Variants in NOL4 observed in about 807,000 individuals in gnomAD.
NOL4 encodes nucleolar protein 4.
NOL4 carries 17 observed loss-of-function variants against 75.9 expected under a neutral mutation model. The ratio of observed to expected loss-of-function variants is 0.22; its 90% confidence interval spans 0.15 to 0.34. NOL4 has a LOEUF of 0.34. Ranked by LOEUF, NOL4 falls within the 10% of genes least tolerant of loss-of-function variation. The pLI, the probability that NOL4 is intolerant of heterozygous loss-of-function variation, is 1.00. For synonymous variants in NOL4, 292 were observed against 289.9 expected, an observed-to-expected ratio of 1.01 and a Z score of -0.07; for missense variants, 614 against 793.5, an observed-to-expected ratio of 0.77 and a Z score of 2.72.
intron 5 of NOL4, among the ~76,000 whole-genome samples, chr18:34,072,965 A>C (rs771689762): frequency 3.3e-5 from 5 of 152,176 alleles, no homozygotes; most frequent in African/African-American, 4.8e-5. Flanking sequence ...AGAAATATAT[A>C]GTTTTATATG....
intron 5 of NOL4, among the ~76,000 whole-genome samples, chr18:34,058,445 A>G (rs575228254): frequency 1.3e-3 from 201 of 152,012 alleles, no homozygotes; most frequent in African/African-American, 4.6e-3. Flanking sequence ...CCTTATTTCT[A>G]ACTCTTTGTT....
intron 2 of NOL4, among the ~76,000 whole-genome samples, chr18:34,121,670 T>G (rs139462469): frequency 1.2e-3 from 185 of 152,330 alleles, no homozygotes; most frequent in African/African-American, 4.3e-3. Flanking sequence ...GAATCAGTTG[T>G]CTGAATTATT....
chr18:34,203,663 CT>C (rs1009751030), intron 1 of NOL4, among the ~76,000 whole-genome samples: 244 of 143,248 alleles, frequency 1.7e-3, no homozygotes, highest in African/African-American at 5.7e-3. Context: ...GAACAGCCCC[CT>C]GATCTCTTTC....
At chr18:33,862,347 G>A (rs2063188137) in intron 10 of NOL4, among the ~76,000 whole-genome samples, 1 of 152,118 alleles carries the variant, frequency 6.6e-6, no homozygotes, top group African/African-American at 2.4e-5. Flanking sequence ...TACCATTCAG[G>A]ACATAGGCAC....
In NOL4 at chr18:34,181,672, G is replaced by A. The variant is rs536234171; in HGVS notation, c.264+41318C>T. Among the ~76,000 whole-genome samples, 7 of 151,572 alleles carry A rather than the reference G, an allele frequency of 4.6e-5. No homozygotes were observed. In the South Asian group the frequency reaches 1.2e-3, roughly 27 times the overall value. ...AAATATTTGCTCATTATATATTTGA[G>A]AAGGGTCTAATTCTAGATTACATAA... On this transcript the variant is annotated intron_variant, in intron 1 of 10. Coordinates refer to ENST00000261592, the MANE Select transcript of NOL4 (RefSeq NM_003787.5).
chr18:33,880,841 C>A (rs1481215469), intron 10 of NOL4, among the ~76,000 whole-genome samples: 1 of 151,430 alleles, frequency 6.6e-6, no homozygotes, highest in Non-Finnish European at 1.5e-5. Context: ...GTATAAACAG[C>A]AATCATTCAG....
chr18:34,003,707 C>G (rs1317566882), intron 6 of NOL4, among the ~76,000 whole-genome samples: 1 of 152,056 alleles, frequency 6.6e-6, no homozygotes, highest in Non-Finnish European at 1.5e-5. Context: ...ACACTTCACA[C>G]TCTCCTGTTC....
At chr18:34,030,461 G>T (rs903257844) in intron 5 of NOL4, among the ~76,000 whole-genome samples, 1 of 152,144 alleles carries the variant, frequency 6.6e-6, no homozygotes, top group African/African-American at 2.4e-5. Flanking sequence ...TGGAAGAAAG[G>T]AAGGAAAGGA....
At chr18:34,056,404 G>C (rs2145056008) in intron 5 of NOL4, among the ~76,000 whole-genome samples, 1 of 152,158 alleles carries the variant, frequency 6.6e-6, no homozygotes, top group African/African-American at 2.4e-5. Context: ...TAAGCAGCCT[G>C]CCCATTTTTT....
intron 4 of NOL4, among the ~76,000 whole-genome samples, chr18:34,098,504 T>C (rs1178011325): frequency 6.6e-6 from 1 of 152,202 alleles, no homozygotes; most frequent in Non-Finnish European, 1.5e-5. Flanking sequence ...TAAATGATCC[T>C]AGCCTATGCC....
intron 1 of NOL4, among the ~76,000 whole-genome samples, chr18:34,163,900 T>C (rs1600767131): frequency 1.3e-5 from 2 of 152,132 alleles, no homozygotes; most frequent in East Asian, 3.9e-4. Context: ...GAGATATAGA[T>C]CAATGGAACG....
chr18:33,941,843 T>C (rs1243038072), intron 9 of NOL4, among the ~76,000 whole-genome samples: 5 of 151,912 alleles, frequency 3.3e-5, no homozygotes, highest in African/African-American at 9.7e-5. Flanking sequence ...CATAGTGTTA[T>C]AACTCATTGT....
At chr18:33,950,414 A>C (rs1041327448) in intron 8 of NOL4, among the ~76,000 whole-genome samples, 1 of 152,156 alleles carries the variant, frequency 6.6e-6, no homozygotes, top group South Asian at 2.1e-4. Context: ...AAATTATCTT[A>C]TCTCTCAACT....
chr18:34,053,904 A>G (rs2076727929), intron 5 of NOL4, among the ~76,000 whole-genome samples: 1 of 151,974 alleles, frequency 6.6e-6, no homozygotes, highest in Non-Finnish European at 1.5e-5. Context: ...GGCAGTGACA[A>G]TCAAGATGAC....
At chr18:33,868,423 G>C (rs560560203) in intron 10 of NOL4, among the ~76,000 whole-genome samples, 2 of 151,968 alleles carry the variant, frequency 1.3e-5, no homozygotes, top group South Asian at 4.2e-4. Context: ...GCCCAGTCAA[G>C]TTGACACATA....
At chr18:34,221,901 A>G in intron 1 of NOL4, 1 of 768,826 alleles carries the variant, frequency 1.3e-6, no homozygotes, top group South Asian at 1.8e-5. Flanking sequence ...CTGCACCGGG[A>G]AACAGTTGCC....
rs191008700 is a variant in NOL4 at position 33,856,099 on chromosome 18, C to T, written c.1724-3064G>A. On this transcript the variant is annotated intron_variant, in intron 10 of 10. Coordinates refer to ENST00000261592, the MANE Select transcript of NOL4 (RefSeq NM_003787.5). Reference sequence around the variant, plus strand: ...CAGGCACGCTTTGTGTCTCATTTACCGTATCATTCTGTGGAGATGTGTTGG... The same window carrying T: ...CAGGCACGCTTTGTGTCTCATTTACTGTATCATTCTGTGGAGATGTGTTGG... Among the ~76,000 whole-genome samples the T allele has an allele frequency of 8.6e-5, 13 of 152,046 alleles. No individual in the cohort carries two copies. In the East Asian group the frequency reaches 2.5e-3, roughly 30 times the overall value.
At chr18:34,203,501 A>ATTATT (rs1171853989) in intron 1 of NOL4, among the ~76,000 whole-genome samples, 19 of 151,742 alleles carry the variant, frequency 1.3e-4, no homozygotes, top group Non-Finnish European at 2.4e-4. Flanking sequence ...TATCAATACA[A>ATTATT]TTATTTTGGA....
At chr18:34,217,694 T>C (rs986001432) in intron 1 of NOL4, among the ~76,000 whole-genome samples, 1 of 152,204 alleles carries the variant, frequency 6.6e-6, no homozygotes, top group Middle Eastern at 3.2e-3. Flanking sequence ...AAGCAACTTT[T>C]TTTTTTAGCA....
Sources: allele counts gnomAD v4.1 joint callset (sites outside exome capture counted in the v4.1 genomes callset), GRCh38; gene constraint gnomAD v4.1.1; transcripts MANE v1.5; gene names NCBI Gene and HGNC (gene_info 2026-07-23, HGNC 2026-07-21).